The following RGS22 variants were observed in gnomAD, a reference collection of about 807,000 sequenced individuals.
RGS22 encodes the protein regulator of G protein signaling 22, also known as regulator of G-protein signaling 22.
In RGS22, 148 loss-of-function variants were observed where a neutral mutation model predicts 172.9. That is an observed-to-expected ratio of 0.86 (90% CI 0.75 to 0.98). The LOEUF is 0.98. Among genes scored for constraint, RGS22 ranks in the 50% least tolerant of loss-of-function variants. The pLI is 0.00. For missense variants in RGS22, 1,347 were observed against 1,440.8 expected, an observed-to-expected ratio of 0.93 and a Z score of 1.05; for synonymous variants, 458 against 480.2, an observed-to-expected ratio of 0.95 and a Z score of 0.60.
chr8:100,026,297 A>G (rs542647616), intron 14 of RGS22, among the ~76,000 whole-genome samples: 44 of 152,366 alleles, frequency 2.9e-4, no homozygotes, highest in South Asian at 1.7e-3. Flanking sequence ...AGGGCCAGAG[A>G]GGATAACGAT....
In RGS22 at chr8:100,064,023, C is replaced by A; in HGVS notation, c.745G>T (p.Gly249Ter). ...SVSENFIFDDGVHPRTKKDPS... is the reference protein window; with the variant it reads ...SVSENFIFDD ...TCCTTTTTTGTCCTAGGGTGAACTC[C>A]ATCATCAAAGATAAAATTCTCTGTA... Residue 249 changes from glycine (G) to a stop codon, truncating the protein, a stop_gained, in exon 8 of 28, where the codon GGA becomes TGA. Coordinates refer to ENST00000360863, the MANE Select transcript of RGS22 (RefSeq NM_015668.5). LOFTEE classifies it high-confidence loss of function. The A allele has an allele frequency of 6.6e-7, 1 of 1,511,228 alleles. No homozygotes were observed. The allele number at this position is 1,511,228 out of a possible 1,614,324, so 93.6% of individuals were successfully genotyped here.
chr8:99,975,965 G>A (rs1458625002), intron 23 of RGS22, among the ~76,000 whole-genome samples: 5 of 152,120 alleles, frequency 3.3e-5, no homozygotes, highest in African/African-American at 4.8e-5. Flanking sequence ...TGAGGTGGGC[G>A]GATCACTGGA....
intron 18 of RGS22, among the ~76,000 whole-genome samples, chr8:100,000,395 A>G (rs1289744798): frequency 1.3e-5 from 2 of 150,768 alleles, no homozygotes; most frequent in African/African-American, 4.9e-5. Flanking sequence ...AAAGAAAAAG[A>G]AAAAAAAAGA....
rs1294245060 is a variant in RGS22 at position 100,080,374 on chromosome 8, G to A, written c.118-19C>T. 2 of 1,561,020 alleles carry A rather than the reference G, an allele frequency of 1.3e-6. No individual in the cohort carries two copies. The highest frequency in any genetic ancestry group is 1.7e-6 in the Non-Finnish European group (2 of 1,146,362). On this transcript the variant is annotated intron_variant, in intron 3 of 27. Coordinates refer to ENST00000360863, the MANE Select transcript of RGS22 (RefSeq NM_015668.5). ...AAAAGGTCTGCAATATAAATTTGTG[G>A]AAATTAAAACATTTTTTAAACCTGG...
intron 27 of RGS22, 122 bp downstream of exon 27, chr8:99,962,272 C>T (rs1473497506): frequency 6.1e-6 from 4 of 651,840 alleles, no homozygotes; most frequent in Admixed American, 5.4e-5. Context: ...TCCTCCCCAT[C>T]GACTTATTAG....
intron 23 of RGS22, among the ~76,000 whole-genome samples, chr8:99,969,839 AC>A (rs575450838): frequency 4.1e-4 from 62 of 152,220 alleles, no homozygotes; most frequent in Non-Finnish European, 5.0e-4. Flanking sequence ...CAGAAAATTA[AC>A]AAAGATATTC....
chr8:100,093,156 A>G (rs1812713321), intron 3 of RGS22: 2 of 250,250 alleles, frequency 8.0e-6, no homozygotes, highest in Non-Finnish European at 7.6e-6. Flanking sequence ...AGAGCAACAC[A>G]ATGTCTCAAA....
At chr8:100,047,646 A>G in intron 10 of RGS22, 50 bp from the exon 11 acceptor site, 1 of 1,515,220 alleles carries the variant, frequency 6.6e-7, no homozygotes, top group Non-Finnish European at 8.8e-7. Context: ...AAAAAAGCAC[A>G]GCTCTGCACC....
chr8:99,999,859 C>T lies in RGS22; in HGVS notation c.2791-439G>A, dbSNP rs147027792. ...GGATGAGGAAAATGTGTTAATTAAA[C>T]GACAACCTTGACTCAGATATTATAA... On this transcript the variant is annotated intron_variant, in intron 18 of 27. Transcript: ENST00000360863. Among the ~76,000 whole-genome samples the T allele has an allele frequency of 1.1e-4, 16 of 152,224 alleles. No homozygotes were observed. In the East Asian group the frequency reaches 2.1e-3, roughly 20 times the overall value.
At chr8:100,073,159 ATC>A (rs1222576084) in intron 4 of RGS22, among the ~76,000 whole-genome samples, 1 of 152,178 alleles carries the variant, frequency 6.6e-6, no homozygotes, top group Non-Finnish European at 1.5e-5. Context: ...AAATAAAACA[ATC>A]TCAGTGAGGT....
intron 27 of RGS22, among the ~76,000 whole-genome samples, chr8:99,962,063 T>C (rs1180263111): frequency 5.1e-4 from 2 of 3,960 alleles, no homozygotes; most frequent in East Asian, 0.083. Context: ...CAATTTTTAG[T>C]TCTTTTTTTT....
intron 23 of RGS22, among the ~76,000 whole-genome samples, chr8:99,966,764 C>T (rs921696902): frequency 2.6e-5 from 4 of 152,146 alleles, no homozygotes; most frequent in Non-Finnish European, 5.9e-5. Flanking sequence ...TTGAGGAACA[C>T]AAACATGTAG....
In RGS22 at chr8:100,056,459, G is replaced by A. The variant is rs560366009; in HGVS notation, c.1515-3483C>T. Among the ~76,000 whole-genome samples the A allele has an allele frequency of 2.2e-4, 33 of 152,244 alleles. No homozygotes were observed. The South Asian group carries it at 4.3e-3, about 20-fold the overall frequency. On this transcript the variant is annotated intron_variant, in intron 9 of 27. Coordinates refer to ENST00000360863, the MANE Select transcript of RGS22 (RefSeq NM_015668.5). ...TCCAGGGCATGTCAGAGACCTTCAC[G>A]GCAGCCCCTCCCATCATAGGCCTGG...
At chr8:99,965,560 A>C in intron 23 of RGS22, 130 bp from the exon 24 acceptor site, 1 of 569,904 alleles carries the variant, frequency 1.8e-6, no homozygotes, top group South Asian at 2.8e-5. Flanking sequence ...AGGTTTCATC[A>C]AGTCAATATC....
rs561614584 is a variant in RGS22 at position 100,064,770 on chromosome 8, T to C, written c.725-727A>G. Among the ~76,000 whole-genome samples the C allele has an allele frequency of 3.3e-5, 5 of 152,350 alleles. No homozygotes were observed. In the South Asian group the frequency reaches 1.0e-3, roughly 32 times the overall value. On this transcript the variant is annotated intron_variant, in intron 7 of 27. Coordinates refer to ENST00000360863, the MANE Select transcript of RGS22 (RefSeq NM_015668.5). ...ATATGTGCTTTGATATTTCATGTTG[T>C]ATGATAAAAGAAAATTCACTACCAT...
Position 100,052,796 on chromosome 8 carries a change from C to A in RGS22, c.1689+6G>T. On this transcript the variant is annotated splice_donor_region_variant and intron_variant, in intron 10 of 27. Transcript: ENST00000360863. ...GTAGAGATCACAGCATGAATGTACA[C>A]CCTACCTGGATCTCAGGTATCTGTG... The A allele has an allele frequency of 1.2e-6, 2 of 1,611,620 alleles. No individual in the cohort carries two copies. Among genetic ancestry groups the A allele is most frequent in the Non-Finnish European group, 8.5e-7 (1 of 1,177,930 alleles).
chr8:99,962,521 GCAGGACTCA>G, intron 26 of RGS22, 78 bp from the exon 27 acceptor site: 4 of 1,508,246 alleles, frequency 2.7e-6, no homozygotes, highest in Non-Finnish European at 3.7e-6. Context: ...ACAGAGAGAA[GCAGGACTCA>G]CACACACGGA....
rs1383143972 is a variant in RGS22, at chr8:100,052,156, TATAAATATATAAAC to T, written c.1689+632_1689+645del. Among the ~76,000 whole-genome samples, 4 of 114,986 alleles carry T rather than the reference TATAAATATATAAAC, an allele frequency of 3.5e-5. 1 individual carries two copies. The highest frequency in any genetic ancestry group is 1.4e-4 in the African/African-American group (4 of 29,142). The allele number at this position is 114,986 out of a possible 152,430, so 75.4% of individuals were successfully genotyped here. A position where few individuals can be genotyped will look rare whatever the true frequency, so the allele number is the denominator to read the frequency against. On this transcript the variant is annotated intron_variant, in intron 10 of 27. Coordinates refer to ENST00000360863, the MANE Select transcript of RGS22 (RefSeq NM_015668.5). ...ATATATAAACATATATTAATATATA[TATAAATATATAAAC>T]ATATATAAATATATAAACATATATA... is the stretch of plus-strand genomic sequence containing the variant.
At chr8:99,975,976 G>A (rs1811883876) in intron 23 of RGS22, among the ~76,000 whole-genome samples, 1 of 152,138 alleles carries the variant, frequency 6.6e-6, no homozygotes, top group African/African-American at 2.4e-5. Flanking sequence ...GATCACTGGA[G>A]GTCAAGAGTT....
Sources: allele counts gnomAD v4.1 joint callset (sites outside exome capture counted in the v4.1 genomes callset), GRCh38; gene constraint gnomAD v4.1.1; transcripts MANE v1.5; gene names NCBI Gene and HGNC (gene_info 2026-07-23, HGNC 2026-07-21).